Variants in SMYD3 observed in about 807,000 individuals in gnomAD.
The protein encoded by SMYD3 is histone-lysine N-methyltransferase SMYD3.
Under a neutral mutation model 57.7 loss-of-function variants are expected in SMYD3, and 36 were observed. The ratio of observed to expected loss-of-function variants is 0.62; its 90% CI spans 0.48 to 0.82. The LOEUF (loss-of-function observed/expected upper bound fraction) is 0.82, where lower values mean the gene tolerates loss of function less well. Ranked by LOEUF, SMYD3 falls within the 40% of genes least tolerant of loss-of-function variation. The probability of loss-of-function intolerance (pLI) is 0.00; values close to 1 mark genes in which losing one functional copy is unlikely to be tolerated. For missense variants in SMYD3, 515 were observed against 538.8 expected, an observed-to-expected ratio of 0.96 and a Z score of 0.44; for synonymous variants, 211 against 195.0, an observed-to-expected ratio of 1.08 and a Z score of -0.68.
At chr1:245,797,815 T>A (rs2047608021) in intron 10 of SMYD3, among the ~76,000 whole-genome samples, 1 of 124,812 alleles carries the variant, frequency 8.0e-6, no homozygotes, top group Non-Finnish European at 1.7e-5. Flanking sequence ...TCCTCTCAAT[T>A]GCTTCCGGGT....
chr1:246,011,887 T>A (rs1398422461), intron 5 of SMYD3, among the ~76,000 whole-genome samples: 3 of 152,064 alleles, frequency 2.0e-5, no homozygotes, highest in African/African-American at 4.8e-5. Context: ...AAGAACTAAG[T>A]TTTTCATCAG....
intron 1 of SMYD3, among the ~76,000 whole-genome samples, chr1:246,497,079 T>A (rs990814023): frequency 1.3e-5 from 2 of 152,180 alleles, no homozygotes; most frequent in African/African-American, 4.8e-5. Flanking sequence ...TACTAACAAG[T>A]AATTATTATG....
chr1:246,126,453 G>A (rs2061511048), intron 5 of SMYD3, among the ~76,000 whole-genome samples: 1 of 152,156 alleles, frequency 6.6e-6, no homozygotes, highest in Admixed American at 6.5e-5. Context: ...CTGTTTAGTA[G>A]TCACTGAATT....
intron 10 of SMYD3, among the ~76,000 whole-genome samples, chr1:245,787,902 G>A (rs550404599): frequency 3.0e-4 from 45 of 152,258 alleles, no homozygotes; most frequent in Admixed American, 7.2e-4. Context: ...ATAGGGAGTC[G>A]ACTTTCGAAC....
chr1:245,986,296 T>A (rs577828426), intron 5 of SMYD3, among the ~76,000 whole-genome samples: 2 of 152,342 alleles, frequency 1.3e-5, no homozygotes, highest in South Asian at 4.1e-4. Context: ...TACAACAGTG[T>A]TTCCTTTCTA....
intron 5 of SMYD3, among the ~76,000 whole-genome samples, chr1:246,324,416 C>CA (rs897518368): frequency 0.1 from 4,263 of 41,812 alleles, 130 homozygotes; most frequent in East Asian, 0.23. Context: ...AACTCCATCT[C>CA]AAAAAAAAAA....
At chr1:246,166,960 C>T (rs1203305219) in intron 5 of SMYD3, among the ~76,000 whole-genome samples, 2 of 152,164 alleles carry the variant, frequency 1.3e-5, no homozygotes, top group Non-Finnish European at 2.9e-5. Context: ...CCCACAAGCC[C>T]TAGCGACCAT....
chr1:245,916,113 A>G (rs187091892), intron 7 of SMYD3, among the ~76,000 whole-genome samples: 8 of 152,250 alleles, frequency 5.3e-5, no homozygotes, highest in East Asian at 3.9e-4. Flanking sequence ...CAAATTTGGT[A>G]TCTTTGAAAT....
At chr1:246,273,479 T>C (rs2148552522) in intron 5 of SMYD3, among the ~76,000 whole-genome samples, 1 of 151,730 alleles carries the variant, frequency 6.6e-6, no homozygotes, top group Admixed American at 6.6e-5. Flanking sequence ...ATTTTTTATT[T>C]TAGCAATTGG....
rs549488647 is a variant in SMYD3, at chr1:246,225,264, G to A, written c.531+101937C>T. On this transcript the variant is annotated intron_variant, in intron 5 of 11. Transcript: ENST00000490107. ...CTAAACAGAGGGAAAAACAAGAAGA[G>A]TGTTGAGTACTAGGAGCCAAGATAG... Among the ~76,000 whole-genome samples the A allele has an allele frequency of 2.8e-4, 38 of 137,240 alleles. 1 individual carries two copies. The highest frequency in any genetic ancestry group is 4.9e-4 in the Non-Finnish European group (32 of 65,034). 90.0% of individuals were successfully genotyped at this position (137,240 alleles called of 152,430 possible). A position where few individuals can be genotyped will look rare whatever the true frequency, so the allele number is the denominator to read the frequency against.
At chr1:245,964,541 G>A (rs935040063) in intron 5 of SMYD3, among the ~76,000 whole-genome samples, 2 of 152,086 alleles carry the variant, frequency 1.3e-5, no homozygotes, top group East Asian at 1.9e-4. Flanking sequence ...GGAATCATTC[G>A]ACAAGAAAAT....
At chr1:245,946,031 G>A (rs1558521803) in intron 5 of SMYD3, among the ~76,000 whole-genome samples, 1 of 152,178 alleles carries the variant, frequency 6.6e-6, no homozygotes, top group Non-Finnish European at 1.5e-5. Flanking sequence ...ATACCTAGGT[G>A]ATGGGGTGAT....
chr1:246,317,107 TTCTC>T (rs2065174055), intron 5 of SMYD3, among the ~76,000 whole-genome samples: 1 of 152,190 alleles, frequency 6.6e-6, no homozygotes, highest in Non-Finnish European at 1.5e-5. Context: ...TATAATTTCT[TTCTC>T]TCTTTAGTAA....
rs902283899 is a variant in SMYD3 at position 246,274,031 on chromosome 1, C to T, written c.531+53170G>A. Among the ~76,000 whole-genome samples, 17 of 152,082 alleles carry T rather than the reference C, an allele frequency of 1.1e-4. 1 individual carries two copies. ...AACTCACTAATTTTGGTATTAACTT[C>T]TTTATCAGATATTTTAGAATTAGAC... On this transcript the variant is annotated intron_variant, in intron 5 of 11. Coordinates refer to ENST00000490107, the MANE Select transcript of SMYD3 (RefSeq NM_001167740.2).
At chr1:245,784,843 ATTT>A (rs74163079) in intron 10 of SMYD3, among the ~76,000 whole-genome samples, 13 of 115,694 alleles carry the variant, frequency 1.1e-4, no homozygotes, top group Admixed American at 1.7e-4. Flanking sequence ...TTTAGACTGA[ATTT>A]TTTTTTTTTT....
chr1:246,310,696 G>A (rs2065061995), intron 5 of SMYD3, among the ~76,000 whole-genome samples: 1 of 127,182 alleles, frequency 7.9e-6, no homozygotes, highest in African/African-American at 3.0e-5. Context: ...CTGAGAGGGA[G>A]TCTACCTCTG....
intron 5 of SMYD3, among the ~76,000 whole-genome samples, chr1:246,233,542 CAAT>C: frequency 7.3e-6 from 1 of 136,800 alleles, no homozygotes; most frequent in Non-Finnish European, 1.6e-5. Context: ...AGCACTCCTT[CAAT>C]CCACACAGTG....
chr1:246,269,134 C>T (rs1459142734), intron 5 of SMYD3, among the ~76,000 whole-genome samples: 1 of 152,166 alleles, frequency 6.6e-6, no homozygotes, highest in African/African-American at 2.4e-5. Context: ...AAAATGTATG[C>T]TTCAAGGCCC....
At chr1:246,135,676 T>C (rs1282470046) in intron 5 of SMYD3, among the ~76,000 whole-genome samples, 1 of 152,124 alleles carries the variant, frequency 6.6e-6, no homozygotes, top group African/African-American at 2.4e-5. Flanking sequence ...ATACAATGTA[T>C]ACATATTATA....
Sources: gnomAD v4.1 joint callset for allele counts (sites outside exome capture counted in the v4.1 genomes callset) on GRCh38, gnomAD v4.1.1 for gene constraint, MANE v1.5 for transcripts, NCBI Gene and HGNC (gene_info 2026-07-23, HGNC 2026-07-21) for gene names.